ANKRD30B: variants seen among roughly 807,000 people sequenced by gnomAD.
The protein encoded by ANKRD30B is ankyrin repeat domain-containing protein 30B.
In ANKRD30B, 144 loss-of-function variants were observed where a neutral mutation model predicts 202.2. That is an observed-to-expected ratio of 0.71 (90% CI 0.62 to 0.82). The LOEUF (loss-of-function observed/expected upper bound fraction) is 0.82. ANKRD30B is among the 40% of genes least tolerant of loss of function. The pLI is 0.00. For synonymous variants in ANKRD30B, 508 were observed against 561.3 expected, an observed-to-expected ratio of 0.91 and a Z score of 1.34; for missense variants, 1,487 against 1,669.1, an observed-to-expected ratio of 0.89 and a Z score of 1.90.
chr18:14,768,488 G>A (rs559970570), intron 7 of ANKRD30B, among the ~76,000 whole-genome samples: 1 of 152,240 alleles, frequency 6.6e-6, no homozygotes, highest in Non-Finnish European at 1.5e-5. Context: ...CAACTGATGT[G>A]GGAGGGCAGT....
At chr18:14,864,572 C>T in the ANKRD30B span, among the ~76,000 whole-genome samples, 1 of 151,616 alleles carries the variant, frequency 6.6e-6, no homozygotes, top group South Asian at 2.1e-4. Flanking sequence ...CTTTACCGCT[C>T]ACTTCCATTT....
At chr18:14,798,646 C>T (rs1969090465) in intron 20 of ANKRD30B, among the ~76,000 whole-genome samples, 1 of 152,022 alleles carries the variant, frequency 6.6e-6, no homozygotes, top group Non-Finnish European at 1.5e-5. Flanking sequence ...GACAGGCACC[C>T]CCCTCCGTGC....
At chr18:14,840,485 G>A in intron 36 of ANKRD30B, 103 bp from the exon 37 acceptor site, 1 of 446,046 alleles carries the variant, frequency 2.2e-6, no homozygotes, top group East Asian at 4.7e-5. Context: ...GTTGCAATGA[G>A]CCAAGATCAT....
Position 14,840,570 on chromosome 18 carries a change from T to C in ANKRD30B, c.2989-18T>C. 8.6e-7 allele frequency: 1 copy of C among 1,166,968 alleles called. No individual in the cohort carries two copies. Among genetic ancestry groups the C allele is most frequent in the Non-Finnish European group, 1.1e-6 (1 of 887,660 alleles). The allele number at this position is 1,166,968 out of a possible 1,614,324, so 72.3% of individuals were successfully genotyped here. A position where few individuals can be genotyped will look rare whatever the true frequency, so the allele number is the denominator to read the frequency against. ...AATAGTAAAAAAAGAAATTATTTAT[T>C]AATATTATCTTTAACAGATTATCTC... On this transcript the variant is annotated intron_variant, in intron 36 of 43. Coordinates refer to ENST00000690538, the MANE Select transcript of ANKRD30B (RefSeq NM_001367607.2).
intron 36 of ANKRD30B, among the ~76,000 whole-genome samples, chr18:14,838,569 A>G (rs1018444547): frequency 6.6e-6 from 1 of 152,172 alleles, no homozygotes; most frequent in African/African-American, 2.4e-5. Flanking sequence ...CCATGTTTGC[A>G]GCCACATAGG....
At chr18:14,785,560 T>C (rs1172466402) in intron 14 of ANKRD30B, among the ~76,000 whole-genome samples, 2 of 152,220 alleles carry the variant, frequency 1.3e-5, no homozygotes, top group Admixed American at 1.3e-4. Flanking sequence ...TTTAAAATAT[T>C]TCCTTGTGCA....
intron 1 of ANKRD30B, 79 bp downstream of exon 1, chr18:14,748,719 G>A (rs1277970010): frequency 7.4e-7 from 1 of 1,357,770 alleles, no homozygotes; most frequent in Non-Finnish European, 9.9e-7. Context: ...GTGGTGGCTG[G>A]GGGTCCTGGG....
chr18:14,932,212 G>A, the ANKRD30B span, among the ~76,000 whole-genome samples: 1 of 151,610 alleles, frequency 6.6e-6, no homozygotes, highest in South Asian at 2.1e-4. Context: ...AGGTGGGGTG[G>A]GGGGCTCCTG....
chr18:14,797,072 G>A (rs1335672923), intron 18 of ANKRD30B, among the ~76,000 whole-genome samples: 1 of 152,126 alleles, frequency 6.6e-6, no homozygotes, highest in Non-Finnish European at 1.5e-5. Flanking sequence ...ACAATCCATA[G>A]AAACAGGATG....
chr18:14,778,538 G>T (rs190668780), intron 10 of ANKRD30B, among the ~76,000 whole-genome samples: 1 of 152,286 alleles, frequency 6.6e-6, no homozygotes, highest in South Asian at 2.1e-4. Flanking sequence ...CGGTGGGAAG[G>T]CATTAGGGAT....
At chr18:14,750,926 T>A (rs1285007758) in intron 1 of ANKRD30B, among the ~76,000 whole-genome samples, 1 of 152,074 alleles carries the variant, frequency 6.6e-6, no homozygotes, top group Non-Finnish European at 1.5e-5. Flanking sequence ...TTCCTTTTTT[T>A]ATCTTTGATT....
At chr18:14,815,839 C>T (rs144267187) in intron 30 of ANKRD30B, among the ~76,000 whole-genome samples, 99 of 152,248 alleles carry the variant, frequency 6.5e-4, no homozygotes, top group African/African-American at 2.3e-3. Flanking sequence ...ACATCTTCCT[C>T]CATGAGTGGA....
chr18:14,905,191 C>G, the ANKRD30B span, among the ~76,000 whole-genome samples: 36 of 152,284 alleles, frequency 2.4e-4, no homozygotes, highest in Non-Finnish European at 4.9e-4. Flanking sequence ...CCAGAAATAA[C>G]CACAAAAATG....
the ANKRD30B span, among the ~76,000 whole-genome samples, chr18:14,938,119 C>T: frequency 6.6e-6 from 1 of 152,176 alleles, no homozygotes; most frequent in Admixed American, 6.5e-5. Context: ...CCTTCCCCAA[C>T]TTAGGAGGAA....
chr18:14,764,003 C>G lies in ANKRD30B; in HGVS notation c.1138C>G (p.Pro380Ala). The change falls in exon 7 of 44, where the codon CCT (proline) becomes GCT (alanine). Residue 380 changes from proline (P) to alanine (A), a missense_variant. By Grantham distance (27) the Pro-to-Ala change is conservative. Around this residue, in one of 6 missense-constraint regions of ANKRD30B, gnomAD observed 889 missense variants for 841.4 expected, o/e 1.06. Transcript: ENST00000690538. ...GACTGAATGCGTGGCAGGAGTAACA[C>G]CTAATAAAACTGAAGTTTTGGAAAA... ...VKTECVAGVT[P>A]NKTEVLEKGT... 1 of 1,566,532 alleles carries G rather than the reference C, an allele frequency of 6.4e-7. No individual in the cohort carries two copies. The highest frequency in any genetic ancestry group is 8.6e-7 in the Non-Finnish European group (1 of 1,162,930).
rs1210381918 is a variant in ANKRD30B, at chr18:14,853,863, G to C, written c.4531G>C (p.Ala1511Pro). The change falls in exon 43 of 44, where the codon GCT becomes CCT. Residue 1511 changes from alanine to proline, a missense_variant. Transcript: ENST00000690538. Reference sequence around the variant, plus strand: ...GGCGGATCTTAATAAACAGTGTGAGGCTTCACTAAAGGTTACATCACATTC... The same window carrying C: ...GGCGGATCTTAATAAACAGTGTGAGCCTTCACTAAAGGTTACATCACATTC... ...KLADLNKQCE[A>P]SLKVTSHSHS... is the part of the protein sequence containing the mutation. Among the ~76,000 whole-genome samples the C allele has an allele frequency of 6.6e-6, 1 of 152,116 alleles. No individual in the cohort carries two copies. Among genetic ancestry groups the C allele is most frequent in the Non-Finnish European group, 1.5e-5 (1 of 68,020 alleles).
intron 9 of ANKRD30B, among the ~76,000 whole-genome samples, chr18:14,776,616 C>T (rs1486666217): frequency 2.6e-5 from 4 of 152,202 alleles, no homozygotes; most frequent in Non-Finnish European, 5.9e-5. Flanking sequence ...TCGTCATCCT[C>T]ATTTTTCTAA....
At chr18:14,786,062 A>C (rs1431090144) in intron 14 of ANKRD30B, among the ~76,000 whole-genome samples, 6 of 151,504 alleles carry the variant, frequency 4.0e-5, no homozygotes, top group East Asian at 1.9e-4. Context: ...AAAAAAAAAA[A>C]AAAAAAAAAC....
rs1055291947 is a variant in ANKRD30B at position 14,797,820 on chromosome 18, C to T, written c.1995C>T (p.Ala665=). The T allele has an allele frequency of 5.2e-6, 8 of 1,551,706 alleles. No homozygotes were observed. In the East Asian group the frequency reaches 9.8e-5, roughly 19 times the overall value. ...CGRKVSLPNK[A]LELKDRETLK... is the part of the protein sequence containing the mutation. ...GGAAAGTTTCTCTTCCAAATAAAGC[C>T]TTAGAATTAAAGGACAGAGAAACAC... The change falls in exon 20 of 44, where the codon GCC becomes GCT. Residue 665 remains alanine (A), a synonymous_variant. Coordinates refer to ENST00000690538, the MANE Select transcript of ANKRD30B (RefSeq NM_001367607.2).
Sources: allele counts gnomAD v4.1 joint callset (sites outside exome capture counted in the v4.1 genomes callset), GRCh38; gene constraint gnomAD v4.1.1; regional missense constraint gnomAD v4.1.1; transcripts MANE v1.5; gene names NCBI Gene and HGNC (gene_info 2026-07-23, HGNC 2026-07-21).